The following PCDHA12 variants were observed in gnomAD, a reference collection of about 807,000 sequenced individuals.
PCDHA12 encodes the protein protocadherin alpha 12.
Under a neutral mutation model 60.0 loss-of-function variants are expected in PCDHA12, and 44 were observed. The observed-to-expected ratio is 0.73, with a 90% CI of 0.58 to 0.94. PCDHA12 has a LOEUF of 0.94. PCDHA12 is among the 40% of genes least tolerant of loss of function. The pLI is 0.00. For synonymous variants in PCDHA12, 569 were observed against 553.0 expected (o/e 1.03, Z -0.40); for missense variants, 1,276 against 1,239.7 (o/e 1.03, Z -0.44).
chr5:140,883,092 G>C (rs782675726), intron 1 of PCDHA12: 2 of 1,614,108 alleles, frequency 1.2e-6, no homozygotes, highest in Non-Finnish European at 1.7e-6. Flanking sequence ...GGTACAAATG[G>C]AGATATAGTT....
chr5:141,004,350 G>A (rs2098163029), intron 3 of PCDHA12, among the ~76,000 whole-genome samples: 1 of 152,192 alleles, frequency 6.6e-6, no homozygotes, highest in South Asian at 2.1e-4. Context: ...GTGAGGGACT[G>A]GAGAGACCAC....
intron 1 of PCDHA12, among the ~76,000 whole-genome samples, chr5:140,879,750 A>G (rs1554170976): frequency 1.3e-5 from 2 of 152,216 alleles, no homozygotes; most frequent in Non-Finnish European, 2.9e-5. Context: ...TGTCAAGGCT[A>G]TACTCTCTTT....
Position 140,982,457 on chromosome 5 carries a change from G to A in PCDHA12, c.2427-18G>A, listed in dbSNP as rs782510565. 6.2e-7 allele frequency: 1 copy of A among 1,613,966 alleles called. No homozygotes were observed. Among genetic ancestry groups the A allele is most frequent in the African/African-American group, 1.3e-5 (1 of 74,916 alleles). ...AATTTATGATCTAACCGTTATCTGG[G>A]TCTGTGTGTTTATTCAGCTCTGTGC... On this transcript the variant is annotated intron_variant, in intron 2 of 3. Transcript: ENST00000398631.
intron 1 of PCDHA12, among the ~76,000 whole-genome samples, chr5:140,907,616 G>A (rs2073492016): frequency 6.6e-6 from 1 of 152,216 alleles, no homozygotes; most frequent in Non-Finnish European, 1.5e-5. Flanking sequence ...CATATCAAGG[G>A]CTCAGTGTTG....
At chr5:140,928,427 C>T in intron 1 of PCDHA12, 1 of 1,614,132 alleles carries the variant, frequency 6.2e-7, no homozygotes. Flanking sequence ...GCCAAAACTT[C>T]CTTTGACTTT....
intron 1 of PCDHA12, among the ~76,000 whole-genome samples, chr5:140,890,656 A>C (rs181998048): frequency 1.3e-5 from 2 of 152,300 alleles, no homozygotes; most frequent in Admixed American, 6.5e-5. Context: ...CAAAATCAAA[A>C]GTTAACTGAA....
In PCDHA12 at chr5:140,927,810, GGAGGCATACATT is replaced by G. The variant is rs782126534; in HGVS notation, c.2367+49977_2367+49988del. Reference sequence around the variant, plus strand: ...CACTAGGTCCGCCTGAAACGCTCTTGGAGGCATACATTGAGGCGAGGGACGAAGGTGTCTTTG... The same window carrying G: ...CACTAGGTCCGCCTGAAACGCTCTTGGAGGCGAGGGACGAAGGTGTCTTTG... On this transcript the variant is annotated intron_variant, in intron 1 of 3. Transcript: ENST00000398631. 3.7e-6 allele frequency: 6 copies of G among 1,614,082 alleles called. No individual in the cohort carries two copies. The South Asian group carries it at 6.6e-5, about 18-fold the overall frequency.
Position 140,982,517 on chromosome 5 carries a change from A to T in PCDHA12, c.2469A>T (p.Pro823=), listed in dbSNP as rs990701966. The T allele has an allele frequency of 2.5e-5, 41 of 1,614,116 alleles. No individual in the cohort carries two copies. The highest frequency in any genetic ancestry group is 3.4e-5 in the Non-Finnish European group (40 of 1,180,048). Residue 823 remains proline, a synonymous_variant, in exon 3 of 4, where the codon CCA becomes CCT. Coordinates refer to ENST00000398631, the MANE Select transcript of PCDHA12 (RefSeq NM_018903.4). The part of the protein sequence containing the change: ...LEEAGILRAG[P]GGPDQQWPTV... ...AGGCTGGCATTCTACGGGCTGGTCC[A>T]GGAGGGCCTGATCAGCAGTGGCCAA...
intron 1 of PCDHA12, among the ~76,000 whole-genome samples, chr5:140,959,643 G>A (rs246006): frequency 0.56 from 85,684 of 152,026 alleles, 24,754 homozygotes; most frequent in African/African-American, 0.69. Flanking sequence ...AAAAAACACA[G>A]AAGCAAAATT....
chr5:140,982,340 G>C (rs1186327832), intron 2 of PCDHA12, 135 bp from the exon 3 acceptor site: 1 of 1,458,038 alleles, frequency 6.9e-7, no homozygotes, highest in East Asian at 2.5e-5. Flanking sequence ...AGCAGTAATT[G>C]CTTCAGTTCA....
At chr5:140,915,646 C>A (rs2077236708) in intron 1 of PCDHA12, among the ~76,000 whole-genome samples, 1 of 151,916 alleles carries the variant, frequency 6.6e-6, no homozygotes, top group Non-Finnish European at 1.5e-5. Flanking sequence ...CTCTCTCTCT[C>A]TCTCTCTCTC....
intron 1 of PCDHA12, chr5:140,882,287 G>A (rs1289206552): frequency 3.1e-6 from 5 of 1,613,126 alleles, no homozygotes; most frequent in African/African-American, 1.3e-5. Context: ...TTCCTGGCAA[G>A]GAGGCCCAAG....
At chr5:140,997,986 A>C (rs1554256110) in intron 3 of PCDHA12, among the ~76,000 whole-genome samples, 2 of 152,186 alleles carry the variant, frequency 1.3e-5, no homozygotes, top group African/African-American at 4.8e-5. Flanking sequence ...CACTTGTTAC[A>C]TACTTCCCTC....
At chr5:140,967,022 A>G (rs2096084806) in intron 1 of PCDHA12, 1 of 1,608,014 alleles carries the variant, frequency 6.2e-7, no homozygotes, top group Middle Eastern at 1.7e-4. Context: ...GGGTGCGCCC[A>G]GTCCGCGCTA....
chr5:140,941,639 TC>T (rs2093135030), intron 1 of PCDHA12, among the ~76,000 whole-genome samples: 1 of 152,044 alleles, frequency 6.6e-6, no homozygotes, highest in Non-Finnish European at 1.5e-5. Context: ...ATTTCTGTCT[TC>T]CTACAACTTA....
At chr5:140,883,627 G>A (rs781902332) in intron 1 of PCDHA12, 34 of 1,613,816 alleles carry the variant, frequency 2.1e-5, no homozygotes, top group Non-Finnish European at 2.7e-5. Context: ...ACAACGCGCC[G>A]GCGTTCGCGC....
chr5:140,930,859 G>GAT lies in PCDHA12; in HGVS notation c.2368-48089_2368-48088dup, dbSNP rs1554208143. On this transcript the variant is annotated intron_variant, in intron 1 of 3. Transcript: ENST00000398631. ...AATAAATATGTGCATATATGAATTG[G>GAT]ATGGTAACACTGTTCAACACAGAGG... Among the ~76,000 whole-genome samples, 803 of 152,288 alleles carry GAT rather than the reference G, an allele frequency of 5.3e-3. 3 individuals are homozygous for GAT. Among genetic ancestry groups the GAT allele is most frequent in the Non-Finnish European group, 8.4e-3 (568 of 68,020 alleles).
At chr5:140,985,670 G>A (rs1554247237) in intron 3 of PCDHA12, among the ~76,000 whole-genome samples, 1 of 152,024 alleles carries the variant, frequency 6.6e-6, no homozygotes, top group East Asian at 1.9e-4. Flanking sequence ...AAAGGAAGTG[G>A]GGCCTGCCTT....
At chr5:140,899,948 C>A (rs2067639860) in intron 1 of PCDHA12, among the ~76,000 whole-genome samples, 1 of 151,682 alleles carries the variant, frequency 6.6e-6, no homozygotes, top group South Asian at 2.1e-4. Context: ...GCTGGGACCA[C>A]AGGCATGTGC....
Sources: gnomAD v4.1 joint callset for allele counts (sites outside exome capture counted in the v4.1 genomes callset) on GRCh38, gnomAD v4.1.1 for gene constraint, MANE v1.5 for transcripts, NCBI Gene and HGNC (gene_info 2026-07-23, HGNC 2026-07-21) for gene names.